MLH3: variants seen among roughly 807,000 people sequenced by gnomAD.
MLH3 encodes the protein mutL homolog 3.
In MLH3, 82 loss-of-function variants were observed where a neutral mutation model predicts 122.2. That is an observed-to-expected ratio of 0.67 (90% CI 0.56 to 0.81). The LOEUF (loss-of-function observed/expected upper bound fraction) is 0.81, where lower values mean the gene tolerates loss of function less well. MLH3 is among the 30% of genes least tolerant of loss of function. MLH3 has a pLI of 0.00. For synonymous variants in MLH3, 524 were observed against 599.5 expected, an observed-to-expected ratio of 0.87 and a Z score of 1.84; for missense variants, 1,539 against 1,714.5, an observed-to-expected ratio of 0.90 and a Z score of 1.81.
At position 75,022,242 on chromosome 14, in the gene MLH3, C is replaced by T. The variant is rs577614665; in HGVS notation, c.4090+572G>A. Reference sequence around the variant, plus strand: ...CTCATTACCTGGGTGACAAAATAATCTGTACACCAAACCCCTGCGACATGC... The same window carrying T: ...CTCATTACCTGGGTGACAAAATAATTTGTACACCAAACCCCTGCGACATGC... On this transcript the variant is annotated intron_variant, in intron 11 of 12. Coordinates refer to ENST00000355774, the MANE Select transcript of MLH3 (RefSeq NM_001040108.2). Among the ~76,000 whole-genome samples, 13 of 152,266 alleles carry T rather than the reference C, an allele frequency of 8.5e-5. No homozygotes were observed. The South Asian group carries it at 1.7e-3, about 19-fold the overall frequency.
rs201453923 is a variant in MLH3 at position 75,047,018 on chromosome 14, G to A, written c.2638C>T (p.Leu880=). 1 of 1,614,058 alleles carries A rather than the reference G, an allele frequency of 6.2e-7. No homozygotes were observed. Among genetic ancestry groups the A allele is most frequent in the African/African-American group, 1.3e-5 (1 of 74,932 alleles). The change falls in exon 2 of 13, where the codon CTG becomes TTG. Residue 880 remains leucine (L), a synonymous_variant. Transcript: ENST00000355774. The part of the protein sequence containing the change: ...SESLASKLSR[L]KGSERETQTM... Reference sequence around the variant, plus strand: ...TGAGTTTCTCTTTCGGAACCCTTCAGTCTGGATAATTTAGAGGCTAGTGAT... The same window carrying A: ...TGAGTTTCTCTTTCGGAACCCTTCAATCTGGATAATTTAGAGGCTAGTGAT...
chr14:75,024,115 C>T (rs1890468110), intron 9 of MLH3, among the ~76,000 whole-genome samples: 1 of 152,188 alleles, frequency 6.6e-6, no homozygotes, highest in Non-Finnish European at 1.5e-5. Flanking sequence ...TGATGGGTCT[C>T]ATCTCAGTCC....
At chr14:75,038,872 T>A (rs1891606186) in intron 5 of MLH3, among the ~76,000 whole-genome samples, 1 of 151,848 alleles carries the variant, frequency 6.6e-6, no homozygotes. Context: ...GGAGTCTCAC[T>A]TTGTCACCCA....
At position 75,047,462 on chromosome 14, in the gene MLH3, T is replaced by G. The variant is rs756278550; in HGVS notation, c.2194A>C (p.Lys732Gln). 1.2e-6 allele frequency: 2 copies of G among 1,614,134 alleles called. No individual in the cohort carries two copies. Among genetic ancestry groups the G allele is most frequent in the Non-Finnish European group, 8.5e-7 (1 of 1,180,016 alleles). ...HVSNDSRKTD[K>Q]LIGFSKPIVR... is the part of the protein sequence containing the mutation. Reference sequence around the variant, plus strand: ...ATTGGTTTGGAGAAACCAATTAATTTATCTGTTTTCCTACTATCATTGGAA... The same window carrying G: ...ATTGGTTTGGAGAAACCAATTAATTGATCTGTTTTCCTACTATCATTGGAA... Residue 732 changes from lysine (K) to glutamine (Q), a missense_variant, in exon 2 of 13, where the codon AAA (lysine) becomes CAA (glutamine). Transcript: ENST00000355774.
intron 12 of MLH3, 37 bp downstream of exon 12, chr14:75,018,792 C>G (rs762864101): frequency 6.2e-7 from 1 of 1,609,132 alleles, no homozygotes; most frequent in South Asian, 1.1e-5. Flanking sequence ...AGAAAATAAA[C>G]TTTGCTCCCT....
intron 8 of MLH3, among the ~76,000 whole-genome samples, 197 bp from the exon 9 acceptor site, chr14:75,030,899 T>C (rs764467634): frequency 2.6e-5 from 4 of 152,260 alleles, no homozygotes; most frequent in Non-Finnish European, 5.9e-5. Flanking sequence ...CAGTAACCTT[T>C]ATTGTTTTTC....
At chr14:75,030,393 T>C (rs1247286039) in intron 9 of MLH3, 150 bp downstream of exon 9, 2 of 819,712 alleles carry the variant, frequency 2.4e-6, no homozygotes, top group Non-Finnish European at 4.2e-6. Context: ...TATTTTGAGC[T>C]AACTCATCTC....
chr14:75,032,096 CTGT>C lies in MLH3; in HGVS notation c.3796_3798del (p.Thr1266del). ...AAGAGTCTCCTTTGTTCCTCTGTCA[CTGT>C]TATCTCTAGCGGAGGAATTAGAGTA... is the stretch of plus-strand genomic sequence containing the variant. On this transcript the variant is annotated inframe_deletion, in exon 8 of 13. Coordinates refer to ENST00000355774, the MANE Select transcript of MLH3 (RefSeq NM_001040108.2). 1 of 1,612,616 alleles carries C rather than the reference CTGT, an allele frequency of 6.2e-7. No individual in the cohort carries two copies.
rs1238847805 is a variant in MLH3 at position 75,047,527 on chromosome 14, A to G, written c.2129T>C (p.Leu710Ser). 3 of 1,613,942 alleles carry G rather than the reference A, an allele frequency of 1.9e-6. No homozygotes were observed. In the African/African-American group the frequency reaches 4.0e-5, roughly 22 times the overall value. The stretch of plus-strand genomic sequence containing the variant: ...GGGGAAAGAGGGGGATGTATCAGAT[A>G]ATATGCAATCTGTTTGTGATTTTTT... The part of the protein sequence containing the change: ...GSKKSQTDCI[L>S]SDTSPSFPWY... Residue 710 changes from leucine to serine, a missense_variant, in exon 2 of 13, where the codon TTA (leucine) becomes TCA (serine). Transcript: ENST00000355774.
chr14:75,031,583 T>C (rs1891052080), intron 8 of MLH3, among the ~76,000 whole-genome samples: 3 of 152,098 alleles, frequency 2.0e-5, no homozygotes, highest in Non-Finnish European at 4.4e-5. Context: ...GAGGCCAAAG[T>C]GGGAGGATCG....
At position 75,030,716 on chromosome 14, in the gene MLH3, C is replaced by T. The variant is rs1305907511; in HGVS notation, c.3828-14G>A. On this transcript the variant is annotated splice_polypyrimidine_tract_variant and intron_variant, in intron 8 of 12. Transcript: ENST00000355774. ...TTGTGGTAACACCTAAAGAGATAAC[C>T]TCAAATGTTAAAAAAAAAAAGAGTG... The T allele has an allele frequency of 1.9e-6, 3 of 1,610,054 alleles. No homozygotes were observed. The highest frequency in any genetic ancestry group is 2.5e-6 in the Non-Finnish European group (3 of 1,176,786).
intron 7 of MLH3, 49 bp downstream of exon 7, chr14:75,033,370 G>T: frequency 6.9e-7 from 1 of 1,455,002 alleles, no homozygotes; most frequent in Non-Finnish European, 9.7e-7. Context: ...GAGGTGTACT[G>T]ATTCTGCTGG....
chr14:75,030,508 C>T (rs2139383705), intron 9 of MLH3, 35 bp downstream of exon 9: 2 of 1,604,712 alleles, frequency 1.2e-6, no homozygotes, highest in Admixed American at 3.3e-5. Context: ...TACCATCACT[C>T]AGCAATTTCC....
intron 5 of MLH3, among the ~76,000 whole-genome samples, chr14:75,039,109 G>A (rs953482306): frequency 3.9e-5 from 6 of 151,980 alleles, no homozygotes; most frequent in African/African-American, 1.4e-4. Flanking sequence ...CACCCACCTC[G>A]GCCTCCCAAA....
At chr14:75,022,521 C>T (rs530820132) in intron 11 of MLH3, among the ~76,000 whole-genome samples, 158 of 152,284 alleles carry the variant, frequency 1.0e-3, no homozygotes, top group African/African-American at 3.5e-3. Context: ...TTCCCCTTTC[C>T]ATGCTATGAA....
intron 12 of MLH3, 64 bp downstream of exon 12, chr14:75,018,765 A>C: frequency 6.3e-7 from 1 of 1,575,488 alleles, no homozygotes; most frequent in South Asian, 1.1e-5. Context: ...TTGCATAGTA[A>C]AAGCCAGAAA....
rs1327757660 is a variant in MLH3, at chr14:75,015,165, A to T, written c.*1917T>A. 1.7e-5 allele frequency: 3 copies of T among 175,210 alleles called. No individual in the cohort carries two copies. The highest frequency in any genetic ancestry group is 3.7e-5 in the Non-Finnish European group (3 of 81,154). The allele number at this position is 175,210 out of a possible 1,614,324, so 10.9% of individuals were successfully genotyped here. ...TCTTATGGCATCTGAGTTAAAAACA[A>T]CATAAAACCCTAACAGGCGATAAAG... On this transcript the variant is annotated 3_prime_UTR_variant, in exon 13 of 13. Transcript: ENST00000355774.
intron 4 of MLH3, among the ~76,000 whole-genome samples, 196 bp downstream of exon 4, chr14:75,041,419 G>A (rs981615525): frequency 2.0e-5 from 3 of 152,054 alleles, no homozygotes; most frequent in African/African-American, 4.8e-5. Context: ...CGTGGTGGCA[G>A]GTGCCTGTAA....
chr14:75,040,449 C>CAA (rs36233766), intron 4 of MLH3, among the ~76,000 whole-genome samples: 2,031 of 35,862 alleles, frequency 0.057, 312 homozygotes, highest in Non-Finnish European at 0.072. Flanking sequence ...GACTCTGTCA[C>CAA]AAAAAAAAAA....
Sources: allele counts gnomAD v4.1 joint callset (sites outside exome capture counted in the v4.1 genomes callset), GRCh38; gene constraint gnomAD v4.1.1; transcripts MANE v1.5; gene names NCBI Gene and HGNC (gene_info 2026-07-23, HGNC 2026-07-21).